The following SCFD2 variants were observed in gnomAD, a reference collection of about 807,000 sequenced individuals.
SCFD2 encodes the protein sec1 family domain-containing protein 2.
A neutral mutation model predicts 58.9 loss-of-function variants in SCFD2; 54 were observed. The ratio of observed to expected loss-of-function variants is 0.92; its 90% CI spans 0.74 to 1.15. The LOEUF is 1.15. SCFD2 is among the 50% of genes most tolerant of loss of function. The pLI, the probability that SCFD2 is intolerant of heterozygous loss-of-function variation, is 0.00. For missense variants in SCFD2, 805 were observed against 836.6 expected, an observed-to-expected ratio of 0.96 and a Z score of 0.47; for synonymous variants, 321 against 335.9, an observed-to-expected ratio of 0.96 and a Z score of 0.49.
intron 5 of SCFD2, among the ~76,000 whole-genome samples, chr4:53,102,827 A>T (rs1240638769): frequency 1.3e-5 from 2 of 151,950 alleles, no homozygotes; most frequent in Non-Finnish European, 2.9e-5. Context: ...AAAATATAGG[A>T]ACCAGCTTGC....
At chr4:53,322,130 T>C (rs1733042794) in intron 2 of SCFD2, among the ~76,000 whole-genome samples, 1 of 152,202 alleles carries the variant, frequency 6.6e-6, no homozygotes. Context: ...CCTGCTGGAC[T>C]GCATTCCCAA....
At chr4:53,354,421 C>G (rs1205458760) in intron 1 of SCFD2, among the ~76,000 whole-genome samples, 1 of 152,222 alleles carries the variant, frequency 6.6e-6, no homozygotes, top group African/African-American at 2.4e-5. Flanking sequence ...GGCCTGCCAG[C>G]GCCGCAGTGC....
intron 5 of SCFD2, among the ~76,000 whole-genome samples, chr4:52,985,724 A>T (rs1374767079): frequency 9.4e-6 from 1 of 106,060 alleles, no homozygotes; most frequent in Non-Finnish European, 2.3e-5. Context: ...GAAGGTCCAA[A>T]TATCTGTCTG....
chr4:53,145,758 G>C (rs1286512493), intron 4 of SCFD2, among the ~76,000 whole-genome samples, 176 bp from the exon 5 acceptor site: 5 of 152,090 alleles, frequency 3.3e-5, no homozygotes, highest in Admixed American at 2.6e-4. Flanking sequence ...TTTGGCATCA[G>C]AGTTTTTGTT....
In SCFD2 at chr4:53,354,103, G is replaced by A. The variant is rs562717982; in HGVS notation, c.839-1337C>T. On this transcript the variant is annotated intron_variant, in intron 1 of 8. Coordinates refer to ENST00000401642, the MANE Select transcript of SCFD2 (RefSeq NM_152540.4). The stretch of plus-strand genomic sequence containing the variant: ...GCCCACATTCTTCGGCCCTTGGGCC[G>A]TCGATGGGACAGGGTGCTGCGGAGC... 1.4e-4 allele frequency among the ~76,000 whole-genome samples: 21 copies of A among 152,398 alleles called. No homozygotes were observed. In the East Asian group the frequency reaches 2.1e-3, roughly 15 times the overall value.
intron 4 of SCFD2, among the ~76,000 whole-genome samples, chr4:53,250,823 C>T (rs1730341314): frequency 6.6e-6 from 1 of 152,070 alleles, no homozygotes. Flanking sequence ...CCTAACATCA[C>T]AATTAAAAGA....
At chr4:53,125,327 A>T (rs1406298422) in intron 5 of SCFD2, among the ~76,000 whole-genome samples, 1 of 152,220 alleles carries the variant, frequency 6.6e-6, no homozygotes, top group Admixed American at 6.5e-5. Context: ...TACAGAAGGG[A>T]TCTTCTTCTT....
chr4:53,256,447 G>T (rs976273382), intron 4 of SCFD2, among the ~76,000 whole-genome samples: 1 of 151,860 alleles, frequency 6.6e-6, no homozygotes, highest in African/African-American at 2.4e-5. Flanking sequence ...GGGCGACCAG[G>T]CAGAGACGCT....
chr4:53,053,589 C>T (rs562804738), intron 5 of SCFD2, among the ~76,000 whole-genome samples: 1 of 152,236 alleles, frequency 6.6e-6, no homozygotes, highest in Admixed American at 6.5e-5. Context: ...CACTTGCGCA[C>T]TGTGCTCCGA....
At chr4:53,247,559 A>C (rs1314181534) in intron 4 of SCFD2, among the ~76,000 whole-genome samples, 1 of 152,218 alleles carries the variant, frequency 6.6e-6, no homozygotes, top group South Asian at 2.1e-4. Context: ...CTATGCAGCC[A>C]TAAAAAATAA....
intron 3 of SCFD2, among the ~76,000 whole-genome samples, chr4:53,312,321 G>A (rs1732716773): frequency 6.6e-6 from 1 of 152,120 alleles, no homozygotes; most frequent in South Asian, 2.1e-4. Context: ...TGCATATTAC[G>A]TGGCATCAAA....
intron 7 of SCFD2, among the ~76,000 whole-genome samples, chr4:52,891,970 A>G (rs1718888387): frequency 6.6e-6 from 1 of 152,122 alleles, no homozygotes; most frequent in South Asian, 2.1e-4. Context: ...TCTTCTCCCA[A>G]ACATCCTCCC....
At chr4:52,892,438 T>G (rs990865599) in intron 7 of SCFD2, among the ~76,000 whole-genome samples, 1 of 152,196 alleles carries the variant, frequency 6.6e-6, no homozygotes, top group African/African-American at 2.4e-5. Flanking sequence ...GGCACTTCAG[T>G]GTTTCTGGTC....
intron 5 of SCFD2, among the ~76,000 whole-genome samples, chr4:53,103,094 T>C (rs977626427): frequency 1.3e-5 from 2 of 152,138 alleles, no homozygotes; most frequent in Admixed American, 1.3e-4. Flanking sequence ...AAAAGTTTGA[T>C]GAGAAGCAGG....
chr4:53,247,843 G>A (rs2149033182), intron 4 of SCFD2, among the ~76,000 whole-genome samples: 1 of 116,412 alleles, frequency 8.6e-6, no homozygotes. Context: ...AGTCCAGCCT[G>A]GGCAACAGAG....
intron 5 of SCFD2, among the ~76,000 whole-genome samples, chr4:53,047,582 G>A (rs1723074363): frequency 6.6e-6 from 1 of 152,126 alleles, no homozygotes; most frequent in Non-Finnish European, 1.5e-5. Context: ...GCACACTAAT[G>A]CACACACATG....
chr4:53,166,712 G>A (rs1727019571), intron 4 of SCFD2, among the ~76,000 whole-genome samples: 1 of 151,882 alleles, frequency 6.6e-6, no homozygotes, highest in African/African-American at 2.4e-5. Flanking sequence ...AAAGCAAAAT[G>A]GTACCCATCC....
At chr4:53,285,689 T>A (rs1299383766) in intron 3 of SCFD2, among the ~76,000 whole-genome samples, 2 of 151,842 alleles carry the variant, frequency 1.3e-5, no homozygotes, top group African/African-American at 4.8e-5. Context: ...TCAGAGGATG[T>A]CACATAAAGA....
chr4:53,133,858 T>A (rs891313862), intron 5 of SCFD2, among the ~76,000 whole-genome samples: 7 of 152,216 alleles, frequency 4.6e-5, no homozygotes, highest in African/African-American at 1.7e-4. Flanking sequence ...ATGCCTACCT[T>A]CCCAATGTCT....
Sources: gnomAD v4.1 joint callset for allele counts (sites outside exome capture counted in the v4.1 genomes callset) on GRCh38, gnomAD v4.1.1 for gene constraint, MANE v1.5 for transcripts, NCBI Gene and HGNC (gene_info 2026-07-23, HGNC 2026-07-21) for gene names.